Variants in CDH18 observed in about 807,000 individuals in gnomAD.
CDH18 encodes cadherin 18.
CDH18 carries 31 observed loss-of-function variants against 67.9 expected under a neutral mutation model. The ratio of observed to expected loss-of-function variants is 0.46; its 90% CI spans 0.34 to 0.62. CDH18 has a LOEUF of 0.62. CDH18 is among the 20% of genes least tolerant of loss of function. The probability of loss-of-function intolerance (pLI) is 0.01; values close to 1 mark genes in which losing one functional copy is unlikely to be tolerated. For missense variants in CDH18, 890 were observed against 975.5 expected, an observed-to-expected ratio of 0.91 and a Z score of 1.17; for synonymous variants, 362 against 347.2, an observed-to-expected ratio of 1.04 and a Z score of -0.48.
chr5:19,988,398 T>G (rs1398764540), upstream of CDH18, among the ~76,000 whole-genome samples: 1 of 151,648 alleles, frequency 6.6e-6, no homozygotes, highest in Non-Finnish European at 1.5e-5. Context: ...CCACCGTGCA[T>G]ACTTTTGGGG....
chr5:19,966,379 A>T (rs1425171772), intron 2 of CDH18, among the ~76,000 whole-genome samples: 7 of 152,162 alleles, frequency 4.6e-5, no homozygotes, highest in African/African-American at 1.7e-4. Context: ...CTGAGAGAAG[A>T]TTAAGAGCTC....
chr5:19,822,581 C>T (rs1441724764), intron 3 of CDH18, among the ~76,000 whole-genome samples: 1 of 152,056 alleles, frequency 6.6e-6, no homozygotes, highest in Non-Finnish European at 1.5e-5. Flanking sequence ...CCGTGATGCC[C>T]CACAAGCCGC....
chr5:19,524,782 G>A (rs1747477302), intron 9 of CDH18, among the ~76,000 whole-genome samples: 1 of 152,072 alleles, frequency 6.6e-6, no homozygotes, highest in Non-Finnish European at 1.5e-5. Context: ...GTCTCGCTCT[G>A]TCGCCCAGGC....
intron 1 of CDH18, among the ~76,000 whole-genome samples, chr5:20,315,949 A>C (rs1737423484): frequency 6.6e-6 from 1 of 152,154 alleles, no homozygotes; most frequent in Non-Finnish European, 1.5e-5. Context: ...AACTAAGAAT[A>C]GTGCCTGTCA....
At chr5:19,927,350 T>C (rs1463045305) in intron 2 of CDH18, among the ~76,000 whole-genome samples, 1 of 152,116 alleles carries the variant, frequency 6.6e-6, no homozygotes, top group Non-Finnish European at 1.5e-5. Context: ...CTCACAATAC[T>C]CTATGAGGTA....
chr5:19,909,600 A>C (rs1385343879), intron 2 of CDH18, among the ~76,000 whole-genome samples: 1 of 152,000 alleles, frequency 6.6e-6, no homozygotes, highest in Admixed American at 6.6e-5. Flanking sequence ...CACTTCTGCT[A>C]TGTAGGAAAC....
chr5:19,771,543 A>G (rs1773732455), intron 3 of CDH18, among the ~76,000 whole-genome samples: 1 of 152,182 alleles, frequency 6.6e-6, no homozygotes, highest in Non-Finnish European at 1.5e-5. Context: ...AACCCCAGCT[A>G]ACACCTTGAT....
chr5:19,522,723 C>T (rs1477956990), intron 9 of CDH18, among the ~76,000 whole-genome samples: 1 of 151,870 alleles, frequency 6.6e-6, no homozygotes, highest in Non-Finnish European at 1.5e-5. Flanking sequence ...GGAGCAACCT[C>T]GTCTCTAGTA....
At chr5:20,067,995 C>T (rs1251023193) in intron 2 of CDH18, among the ~76,000 whole-genome samples, 2 of 152,004 alleles carry the variant, frequency 1.3e-5, no homozygotes, top group Non-Finnish European at 2.9e-5. Flanking sequence ...AACATAGCAG[C>T]CTTGTCCCTT....
chr5:20,538,896 C>CGGTT (rs1756874621), intron 1 of CDH18, among the ~76,000 whole-genome samples: 1 of 69,128 alleles, frequency 1.4e-5, no homozygotes, highest in South Asian at 6.1e-4. Flanking sequence ...ACATAGCCAA[C>CGGTT]TGTTTTTTTT....
chr5:20,496,499 C>A (rs1420476288), intron 1 of CDH18, among the ~76,000 whole-genome samples: 1 of 151,872 alleles, frequency 6.6e-6, no homozygotes, highest in Non-Finnish European at 1.5e-5. Context: ...ATTGAATATA[C>A]CATTATTTAA....
At chr5:19,709,418 T>G (rs1341467737) in intron 5 of CDH18, among the ~76,000 whole-genome samples, 1 of 151,952 alleles carries the variant, frequency 6.6e-6, no homozygotes, top group African/African-American at 2.4e-5. Context: ...AATACAAAAA[T>G]TAGCTGTGTT....
chr5:20,022,988 T>G (rs2150436627), intron 2 of CDH18, among the ~76,000 whole-genome samples: 1 of 152,324 alleles, frequency 6.6e-6, no homozygotes. Flanking sequence ...CCAAATTTTC[T>G]TTTTCACAAT....
At chr5:19,846,232 A>T (rs939234230) in intron 2 of CDH18, among the ~76,000 whole-genome samples, 16 of 152,038 alleles carry the variant, frequency 1.1e-4, no homozygotes, top group African/African-American at 3.6e-4. Flanking sequence ...TATAGTTATA[A>T]CAATCTATTT....
intron 10 of CDH18, 25 bp from the exon 11 acceptor site, chr5:19,503,134 C>T (rs6867491): frequency 2.5e-5 from 29 of 1,163,738 alleles, no homozygotes; most frequent in Admixed American, 3.6e-5. Context: ...AACTCTAAAT[C>T]GTAAATTTAA....
intron 2 of CDH18, among the ~76,000 whole-genome samples, chr5:19,900,479 A>T (rs1474190595): frequency 6.6e-6 from 1 of 152,214 alleles, no homozygotes; most frequent in Non-Finnish European, 1.5e-5. Flanking sequence ...TGATTCGATC[A>T]TTGCACAATG....
chr5:20,401,083 T>C (rs1381210205), intron 1 of CDH18, among the ~76,000 whole-genome samples: 2 of 152,192 alleles, frequency 1.3e-5, no homozygotes. Context: ...GAGATGTGTC[T>C]TCAACATTTT....
rs140404385 is a variant in CDH18 at position 19,491,293 on chromosome 5, T to C, written c.1631-7741A>G. ...TTGATTTGCAACTTAGGGTGGATTA[T>C]ATGTGTGTTATTTTGTTTAGGAATG... On this transcript the variant is annotated intron_variant, in intron 11 of 12. Transcript: ENST00000382275. Among the ~76,000 whole-genome samples the C allele has an allele frequency of 3.3e-3, 503 of 152,314 alleles. 1 individual carries two copies. Among genetic ancestry groups the C allele is most frequent in the African/African-American group, 0.011 (478 of 41,592 alleles).
intron 2 of CDH18, among the ~76,000 whole-genome samples, chr5:20,242,030 T>A (rs568500936): frequency 2.0e-5 from 3 of 151,378 alleles, no homozygotes; most frequent in Non-Finnish European, 2.9e-5. Flanking sequence ...ACACATAGGA[T>A]AAATAAAGGC....
Sources: allele counts gnomAD v4.1 joint callset (sites outside exome capture counted in the v4.1 genomes callset), GRCh38; gene constraint gnomAD v4.1.1; transcripts MANE v1.5; gene names NCBI Gene and HGNC (gene_info 2026-07-23, HGNC 2026-07-21).